Variants in SPOCK1 observed in about 807,000 individuals in gnomAD.
The protein encoded by SPOCK1 is testican-1.
In SPOCK1, 23 loss-of-function variants were observed where a neutral mutation model predicts 55.3. The observed-to-expected ratio is 0.42, with a 90% CI of 0.30 to 0.59. The LOEUF (loss-of-function observed/expected upper bound fraction) is 0.59. SPOCK1 is among the 20% of genes least tolerant of loss of function. The probability of loss-of-function intolerance (pLI) is 0.22; values close to 1 mark genes in which losing one functional copy is unlikely to be tolerated. For synonymous variants in SPOCK1, 226 were observed against 221.0 expected (o/e 1.02, Z -0.20); for missense variants, 499 against 552.5 (o/e 0.90, Z 0.97).
intron 5 of SPOCK1, among the ~76,000 whole-genome samples, chr5:137,079,052 G>T (rs938936090): frequency 6.6e-6 from 1 of 152,138 alleles, no homozygotes; most frequent in African/African-American, 2.4e-5. Context: ...GGTCTCCTCG[G>T]CCATGTCCCT....
chr5:137,455,799 T>A (rs916548147), intron 2 of SPOCK1, among the ~76,000 whole-genome samples: 2 of 151,896 alleles, frequency 1.3e-5, no homozygotes, highest in Admixed American at 1.3e-4. Context: ...GAGGTCGAGG[T>A]GGGAGGATCG....
At chr5:137,277,875 G>A (rs1286621570) in intron 2 of SPOCK1, among the ~76,000 whole-genome samples, 2 of 152,086 alleles carry the variant, frequency 1.3e-5, no homozygotes, top group Admixed American at 1.3e-4. Flanking sequence ...AGAGCAGGCC[G>A]GCAGGAGATG....
intron 3 of SPOCK1, among the ~76,000 whole-genome samples, chr5:137,214,510 C>A (rs1461186508): frequency 3.3e-5 from 5 of 151,432 alleles, no homozygotes; most frequent in African/African-American, 1.2e-4. Flanking sequence ...TTCTCTACAG[C>A]CAAGCAGACT....
chr5:137,021,652 G>A (rs751310973), intron 6 of SPOCK1, among the ~76,000 whole-genome samples: 2 of 152,068 alleles, frequency 1.3e-5, no homozygotes, highest in African/African-American at 4.8e-5. Flanking sequence ...CAATAATCTG[G>A]CAGCCATGAG....
chr5:137,387,557 G>A (rs1359803858), intron 2 of SPOCK1, among the ~76,000 whole-genome samples: 1 of 152,184 alleles, frequency 6.6e-6, no homozygotes, highest in African/African-American at 2.4e-5. Context: ...TTACAATACT[G>A]TATGAGCACA....
At chr5:137,280,920 G>A (rs1453866455) in intron 2 of SPOCK1, among the ~76,000 whole-genome samples, 1 of 152,134 alleles carries the variant, frequency 6.6e-6, no homozygotes, top group Non-Finnish European at 1.5e-5. Flanking sequence ...CCACCAATGT[G>A]CTGGAAGCCT....
intron 3 of SPOCK1, among the ~76,000 whole-genome samples, chr5:137,265,779 T>G (rs1350920777): frequency 6.6e-6 from 1 of 152,132 alleles, no homozygotes; most frequent in Non-Finnish European, 1.5e-5. Flanking sequence ...ATCTGTAGAT[T>G]CACATGCTTC....
chr5:137,322,810 G>A (rs528033217), intron 2 of SPOCK1, among the ~76,000 whole-genome samples: 1 of 152,272 alleles, frequency 6.6e-6, no homozygotes, highest in South Asian at 2.1e-4. Flanking sequence ...GGAAACCTGA[G>A]ACTGGACAAT....
At chr5:137,278,488 G>A (rs1757110763) in intron 2 of SPOCK1, among the ~76,000 whole-genome samples, 1 of 152,148 alleles carries the variant, frequency 6.6e-6, no homozygotes, top group Admixed American at 6.5e-5. Context: ...GGAGAAGAGT[G>A]GGCATCCCCT....
At chr5:137,040,833 G>A (rs1477455984) in intron 6 of SPOCK1, among the ~76,000 whole-genome samples, 1 of 152,162 alleles carries the variant, frequency 6.6e-6, no homozygotes, top group East Asian at 1.9e-4. Context: ...GGCTCATCAA[G>A]ATGGTCATGC....
At chr5:137,316,138 T>C (rs573465330) in intron 2 of SPOCK1, among the ~76,000 whole-genome samples, 8 of 152,316 alleles carry the variant, frequency 5.3e-5, no homozygotes, top group Middle Eastern at 3.4e-3. Context: ...AGGAGGGATG[T>C]ACCGTCCAAA....
chr5:137,121,340 A>C (rs958495336), intron 4 of SPOCK1, among the ~76,000 whole-genome samples: 5 of 152,058 alleles, frequency 3.3e-5, no homozygotes, highest in African/African-American at 1.2e-4. Flanking sequence ...CTTTTCCAAC[A>C]AAATATTTAT....
chr5:137,423,808 A>G lies in SPOCK1; in HGVS notation c.186+74565T>C, dbSNP rs368044970. Reference sequence around the variant, plus strand: ...CACTGTCCTGCACCCACTTTCCAACACTCCCCAGTGAGATGAACCCAGTAC... The same window carrying G: ...CACTGTCCTGCACCCACTTTCCAACGCTCCCCAGTGAGATGAACCCAGTAC... On this transcript the variant is annotated intron_variant, in intron 2 of 10. Transcript: ENST00000394945. Among the ~76,000 whole-genome samples, 3 of 151,782 alleles carry G rather than the reference A, an allele frequency of 2.0e-5. No homozygotes were observed. In the South Asian group the frequency reaches 6.2e-4, roughly 32 times the overall value.
intron 3 of SPOCK1, among the ~76,000 whole-genome samples, chr5:137,150,319 T>A (rs542945742): frequency 6.6e-6 from 1 of 152,258 alleles, no homozygotes; most frequent in South Asian, 2.1e-4. Flanking sequence ...GTACTCTGCC[T>A]TGTCTCTACC....
chr5:137,179,912 C>A (rs188352069), intron 3 of SPOCK1, among the ~76,000 whole-genome samples: 8 of 152,338 alleles, frequency 5.3e-5, no homozygotes, highest in Admixed American at 2.0e-4. Flanking sequence ...CCCCTCCTAC[C>A]TTGCCACTGC....
At position 137,437,483 on chromosome 5, in the gene SPOCK1, A is replaced by G. The variant is rs1355132539; in HGVS notation, c.186+60890T>C. On this transcript the variant is annotated intron_variant, in intron 2 of 10. Coordinates refer to ENST00000394945, the MANE Select transcript of SPOCK1 (RefSeq NM_004598.4). ...ACAATGGGTTTTAGTAGAGTTGTGC[A>G]ACTATCACCACAATGGATTTTAGAA... Among the ~76,000 whole-genome samples the G allele has an allele frequency of 2.6e-5, 4 of 152,376 alleles. No homozygotes were observed. In the East Asian group the frequency reaches 7.7e-4, roughly 29 times the overall value.
chr5:137,175,292 T>C (rs79355716), intron 3 of SPOCK1, among the ~76,000 whole-genome samples: 3 of 152,120 alleles, frequency 2.0e-5, no homozygotes, highest in East Asian at 1.9e-4. Flanking sequence ...GAGGCCACCA[T>C]TGAAGCACTG....
chr5:137,065,203 G>A (rs1420556225), intron 6 of SPOCK1, among the ~76,000 whole-genome samples: 2 of 144,438 alleles, frequency 1.4e-5, no homozygotes, highest in South Asian at 2.3e-4. Flanking sequence ...ACTCCAGCAC[G>A]GGTGACAGAG....
intron 2 of SPOCK1, among the ~76,000 whole-genome samples, chr5:137,455,950 C>T (rs545792302): frequency 1.2e-4 from 19 of 152,116 alleles, no homozygotes; most frequent in African/African-American, 4.3e-4. Context: ...ATCACTTGAG[C>T]CCAAGGATCC....
Sources: allele counts gnomAD v4.1 joint callset (sites outside exome capture counted in the v4.1 genomes callset), GRCh38; gene constraint gnomAD v4.1.1; transcripts MANE v1.5; gene names NCBI Gene and HGNC (gene_info 2026-07-23, HGNC 2026-07-21).